ADCY1: variants seen among roughly 807,000 people sequenced by gnomAD.
The protein encoded by ADCY1 is adenylate cyclase type 1.
A neutral mutation model predicts 105.4 loss-of-function variants in ADCY1; 28 were observed. The observed-to-expected ratio is 0.27, with a 90% confidence interval of 0.20 to 0.36. The LOEUF (loss-of-function observed/expected upper bound fraction) is 0.36, where lower values mean the gene tolerates loss of function less well. ADCY1 is among the 10% of genes least tolerant of loss of function. The pLI is 1.00. For synonymous variants in ADCY1, 655 were observed against 623.8 expected (o/e 1.05, Z -0.75); for missense variants, 977 against 1,434.2 (o/e 0.68, Z 5.15).
chr7:45,617,884 A>G (rs998083590), intron 3 of ADCY1, among the ~76,000 whole-genome samples: 3 of 152,196 alleles, frequency 2.0e-5, no homozygotes, highest in Non-Finnish European at 2.9e-5. Context: ...AAAAATTCCA[A>G]AATTCATGTG....
At position 45,678,321 on chromosome 7, in the gene ADCY1, T is replaced by G. The variant is rs1169572581; in HGVS notation, c.1898+58T>G. 4 of 1,530,546 alleles carry G rather than the reference T, an allele frequency of 2.6e-6. No individual in the cohort carries two copies. In the African/African-American group the frequency reaches 5.5e-5, roughly 21 times the overall value. 94.8% of individuals were successfully genotyped at this position (1,530,546 alleles called of 1,614,324 possible). ...ACCAAGAAGTCCCGGTTTCTGGGGTTCGTGGTTGTGTTTCTGGGGTTCGTG... is the reference window on the plus strand; with the variant it reads ...ACCAAGAAGTCCCGGTTTCTGGGGTGCGTGGTTGTGTTTCTGGGGTTCGTG... On this transcript the variant is annotated intron_variant, in intron 10 of 19. Coordinates refer to ENST00000297323, the MANE Select transcript of ADCY1 (RefSeq NM_021116.4).
At chr7:45,664,571 G>C in intron 8 of ADCY1, 1 of 1,220,180 alleles carries the variant, frequency 8.2e-7, no homozygotes. Context: ...CATTTATCTG[G>C]AATCCTACCA....
At position 45,592,841 on chromosome 7, in the gene ADCY1, A is replaced by G; in HGVS notation, c.722A>G (p.Lys241Arg). 2 of 1,614,198 alleles carry G rather than the reference A, an allele frequency of 1.2e-6. No individual in the cohort carries two copies. Among genetic ancestry groups the G allele is most frequent in the Non-Finnish European group, 1.7e-6 (2 of 1,180,040 alleles). ...VRILTERSQR[K>R]AFLQARSCIE... ...ATTCTGACTGAGCGTTCACAGAGGA[A>G]GGCGTTCCTGCAGGCCCGGAGCTGC... The change falls in exon 2 of 20, where the codon AAG becomes AGG. Residue 241 changes from lysine (K) to arginine (R), a missense_variant. Coordinates refer to ENST00000297323, the MANE Select transcript of ADCY1 (RefSeq NM_021116.4).
At chr7:45,695,241 G>A (rs1485055724) in intron 14 of ADCY1, among the ~76,000 whole-genome samples, 1 of 152,190 alleles carries the variant, frequency 6.6e-6, no homozygotes, top group Non-Finnish European at 1.5e-5. Flanking sequence ...TGGTCTGCTT[G>A]TTGCTTGTAG....
intron 2 of ADCY1, among the ~76,000 whole-genome samples, chr7:45,609,893 G>A (rs1793485367): frequency 6.6e-6 from 1 of 152,210 alleles, no homozygotes; most frequent in East Asian, 1.9e-4. Flanking sequence ...AGCTAAGGGA[G>A]AAGTAAGAAG....
Position 45,641,316 on chromosome 7 carries a change from G to C in ADCY1, c.1021-7354G>C, listed in dbSNP as rs570607423. On this transcript the variant is annotated intron_variant, in intron 4 of 19. Transcript: ENST00000297323. ...ATGTGAAAAGGACACTGGAAAGTCT[G>C]TACATCCTTTGCTGCTCCCATACCC... 2.6e-5 allele frequency among the ~76,000 whole-genome samples: 4 copies of C among 152,294 alleles called. No homozygotes were observed. The South Asian group carries it at 8.3e-4, about 32-fold the overall frequency.
chr7:45,668,598 T>G (rs1460702316), intron 8 of ADCY1, among the ~76,000 whole-genome samples: 1 of 152,212 alleles, frequency 6.6e-6, no homozygotes, highest in Non-Finnish European at 1.5e-5. Context: ...CTCTTTTTTT[T>G]GTTGTGTCTT....
chr7:45,675,780 T>C (rs1784446190), intron 8 of ADCY1, among the ~76,000 whole-genome samples: 1 of 152,182 alleles, frequency 6.6e-6, no homozygotes, highest in Non-Finnish European at 1.5e-5. Flanking sequence ...TCATGCTGCT[T>C]TCAAGAATTT....
intron 2 of ADCY1, among the ~76,000 whole-genome samples, chr7:45,600,754 A>G (rs2115817909): frequency 6.6e-6 from 1 of 152,178 alleles, no homozygotes; most frequent in South Asian, 2.1e-4. Context: ...TCTCTCCTTG[A>G]CTTACCGATG....
intron 4 of ADCY1, among the ~76,000 whole-genome samples, chr7:45,627,407 G>C (rs568009797): frequency 2.0e-5 from 3 of 152,112 alleles, no homozygotes; most frequent in South Asian, 4.1e-4. Context: ...ATTCATCACT[G>C]TGTGTGTGGC....
rs552275459 is a variant in ADCY1 at position 45,716,036 on chromosome 7, G to A, written c.*2041G>A. On this transcript the variant is annotated 3_prime_UTR_variant, in exon 20 of 20. Coordinates refer to ENST00000297323, the MANE Select transcript of ADCY1 (RefSeq NM_021116.4). ...CCATGGACCCACTGGAGACTTTGAGGGCAGAGCTCGGGCACCTTTCATCTT... is the reference window on the plus strand; with the variant it reads ...CCATGGACCCACTGGAGACTTTGAGAGCAGAGCTCGGGCACCTTTCATCTT... 6.5e-6 allele frequency: 1 copy of A among 152,692 alleles called. No individual in the cohort carries two copies. The highest frequency in any genetic ancestry group is 1.9e-4 in the East Asian group (1 of 5,180). 9.5% of individuals were successfully genotyped at this position (152,692 alleles called of 1,614,324 possible). A position where few individuals can be genotyped will look rare whatever the true frequency, so the allele number is the denominator to read the frequency against.
chr7:45,574,832 G>A lies in ADCY1; in HGVS notation c.289G>A (p.Val97Met). The A allele has an allele frequency of 6.2e-7, 1 of 1,610,202 alleles. No homozygotes were observed. Among genetic ancestry groups the A allele is most frequent in the Non-Finnish European group, 8.5e-7 (1 of 1,179,446 alleles). Residue 97 changes from valine (V) to methionine (M), a missense_variant, in exon 1 of 20, where the codon GTG becomes ATG. Around this residue, in one of 7 missense-constraint regions of ADCY1, gnomAD observed 209 missense variants for 222.5 expected, o/e 0.94. Transcript: ENST00000297323. This position sits in a 1 kb window ranked among gnomAD's most constrained non-coding sequence, Gnocchi z 7.0. Reference sequence around the variant, plus strand: ...CGGCCTGGCCAAGGGCTCACACCCGGTGCACTGCGTCCTCTTCCTGGCGCT... The same window carrying A: ...CGGCCTGGCCAAGGGCTCACACCCGATGCACTGCGTCCTCTTCCTGGCGCT... ...APGLAKGSHP[V>M]HCVLFLALLV...
At chr7:45,632,416 G>T (rs1264046041) in intron 4 of ADCY1, among the ~76,000 whole-genome samples, 1 of 152,068 alleles carries the variant, frequency 6.6e-6, no homozygotes, top group Non-Finnish European at 1.5e-5. Context: ...ATCTTCGGAG[G>T]ATTAACATTT....
chr7:45,597,039 G>T (rs1367506380), intron 2 of ADCY1, among the ~76,000 whole-genome samples: 3 of 152,180 alleles, frequency 2.0e-5, no homozygotes, highest in African/African-American at 7.2e-5. Context: ...TCACAAAATA[G>T]GAGTTTGGCT....
rs956540913 is a variant in ADCY1, at chr7:45,590,144, C to T, written c.640-2615C>T. On this transcript the variant is annotated intron_variant, in intron 1 of 19. Coordinates refer to ENST00000297323, the MANE Select transcript of ADCY1 (RefSeq NM_021116.4). ...CCAGCCTCCACGGGCTGCTAGCCCA[C>T]ACGGAACAGCTCTGATGCAAACGGG... Among the ~76,000 whole-genome samples the T allele has an allele frequency of 4.6e-5, 7 of 152,158 alleles. No individual in the cohort carries two copies. In the South Asian group the frequency reaches 1.0e-3, roughly 23 times the overall value.
At chr7:45,658,782 A>G (rs966745055) in intron 6 of ADCY1, among the ~76,000 whole-genome samples, 1 of 152,218 alleles carries the variant, frequency 6.6e-6, no homozygotes, top group Non-Finnish European at 1.5e-5. Context: ...TGACCGTTGT[A>G]GTTCAGGGCC....
chr7:45,699,087 C>G (rs1784938669), intron 14 of ADCY1, among the ~76,000 whole-genome samples: 1 of 152,242 alleles, frequency 6.6e-6, no homozygotes, highest in Admixed American at 6.5e-5. Flanking sequence ...AGCCCTGCCT[C>G]CAGCCAGTGC....
chr7:45,610,588 G>A lies in ADCY1; in HGVS notation c.908+91G>A. 2.7e-6 allele frequency: 3 copies of A among 1,108,178 alleles called. No homozygotes were observed. The South Asian group carries it at 4.0e-5, about 15-fold the overall frequency. The allele number at this position is 1,108,178 out of a possible 1,614,324, so 68.6% of individuals were successfully genotyped here. ...AGGTGGGGAGGTGATGACAGAAGTG[G>A]GGAAGGGATGGATGGAGGTGGGGAA... On this transcript the variant is annotated intron_variant, in intron 3 of 19. Coordinates refer to ENST00000297323, the MANE Select transcript of ADCY1 (RefSeq NM_021116.4).
intron 4 of ADCY1, among the ~76,000 whole-genome samples, chr7:45,635,810 G>C (rs77306955): frequency 0.027 from 4,134 of 151,794 alleles, 77 homozygotes; most frequent in African/African-American, 0.046. Flanking sequence ...GTAGAATTCT[G>C]TTGTTAAGAG....
Sources: gnomAD v4.1 joint callset for allele counts (sites outside exome capture counted in the v4.1 genomes callset) on GRCh38, gnomAD v4.1.1 for gene constraint, gnomAD v4.1.1 regional missense constraint, Gnocchi (gnomAD v3.1) non-coding constraint, MANE v1.5 for transcripts, NCBI Gene and HGNC (gene_info 2026-07-23, HGNC 2026-07-21) for gene names.